ASXL2: variants seen among roughly 807,000 people sequenced by gnomAD.
ASXL2 encodes the protein putative Polycomb group protein ASXL2.
A neutral mutation model predicts 122.0 loss-of-function variants in ASXL2; 23 were observed. The ratio of observed to expected loss-of-function variants is 0.19; its 90% CI spans 0.14 to 0.27. The LOEUF is 0.27. Ranked by LOEUF, ASXL2 falls within the 10% of genes least tolerant of loss-of-function variation. The pLI, the probability that ASXL2 is intolerant of heterozygous loss-of-function variation, is 1.00. For synonymous variants in ASXL2, 650 were observed against 637.0 expected, an observed-to-expected ratio of 1.02 and a Z score of -0.31; for missense variants, 1,518 against 1,713.8, an observed-to-expected ratio of 0.89 and a Z score of 2.02.
chr2:25,833,649 T>C (rs570933569), intron 3 of ASXL2, among the ~76,000 whole-genome samples: 28 of 151,968 alleles, frequency 1.8e-4, no homozygotes, highest in African/African-American at 6.3e-4. Flanking sequence ...TGAGCTGAGA[T>C]TGCACCACTG....
In ASXL2 at chr2:25,744,935, C is replaced by CCACACACACACACA. The variant is rs10579555; in HGVS notation, c.1861-473_1861-460dup. On this transcript the variant is annotated intron_variant, in intron 12 of 12. Transcript: ENST00000435504. This position sits in a 1 kb window ranked among gnomAD's most constrained non-coding sequence, Gnocchi z 4.7. ...GGGAAAATACTTGCTCTTCTCTGTT[C>CCACACACACACACA]CACACACACACACACACACACACAC... Among the ~76,000 whole-genome samples the CCACACACACACACA allele has an allele frequency of 1.4e-5, 2 of 138,338 alleles. No homozygotes were observed. The highest frequency in any genetic ancestry group is 4.4e-4 in the East Asian group (2 of 4,578). 90.8% of individuals were successfully genotyped at this position (138,338 alleles called of 152,430 possible). A position where few individuals can be genotyped will look rare whatever the true frequency, so the allele number is the denominator to read the frequency against.
intron 5 of ASXL2, among the ~76,000 whole-genome samples, chr2:25,785,997 T>C (rs1203882610): frequency 6.6e-6 from 1 of 152,156 alleles, no homozygotes; most frequent in African/African-American, 2.4e-5. Context: ...GCAAATAAAA[T>C]CTATGATACA....
At chr2:25,831,710 A>G (rs1321383561) in intron 3 of ASXL2, among the ~76,000 whole-genome samples, 1 of 152,206 alleles carries the variant, frequency 6.6e-6, no homozygotes, top group African/African-American at 2.4e-5. Flanking sequence ...AAAAAGTAAT[A>G]AAGAAAAATG....
intron 1 of ASXL2, among the ~76,000 whole-genome samples, chr2:25,849,369 C>T (rs1388348066): frequency 2.8e-5 from 4 of 143,128 alleles, no homozygotes; most frequent in Non-Finnish European, 6.0e-5. Context: ...TCAAGAATCA[C>T]TTGAACCCAG....
intron 8 of ASXL2, among the ~76,000 whole-genome samples, chr2:25,766,628 A>T (rs1346820752): frequency 6.6e-6 from 1 of 152,222 alleles, no homozygotes; most frequent in Non-Finnish European, 1.5e-5. Flanking sequence ...CTCGAACACG[A>T]TGGGAGGAAG....
chr2:25,780,000 T>C (rs2149160883), intron 5 of ASXL2, among the ~76,000 whole-genome samples: 1 of 152,318 alleles, frequency 6.6e-6, no homozygotes, highest in South Asian at 2.1e-4. Context: ...CCTGAGTAGC[T>C]GGGATTACAG....
At chr2:25,849,319 C>T (rs1265998275) in intron 1 of ASXL2, among the ~76,000 whole-genome samples, 6 of 149,846 alleles carry the variant, frequency 4.0e-5, no homozygotes, top group Admixed American at 6.7e-5. Context: ...GGTGGCTGGG[C>T]GCCTGTAATC....
rs2087894240 is a variant in ASXL2 at position 25,743,962 on chromosome 2, A to G, written c.2375T>C (p.Val792Ala). 4 of 1,613,782 alleles carry G rather than the reference A, an allele frequency of 2.5e-6. No homozygotes were observed. The Admixed American group carries it at 5.0e-5, about 20-fold the overall frequency. The change falls in exon 13 of 13, where the codon GTC becomes GCC. Residue 792 changes from valine (V) to alanine (A), a missense_variant. This residue lies in a region of ASXL2 where 831 missense variants were observed against 833.1 expected (regional missense o/e 1.00). Coordinates refer to ENST00000435504, the MANE Select transcript of ASXL2 (RefSeq NM_018263.6). ...TTTCTCTATGTGGGCTGGTGATGGG[A>G]CACTTGTGCATGCTCCACTGACGGC... ...TPAVSGACTS[V>A]PSPAHIEKLD... is the part of the protein sequence containing the mutation.
At chr2:25,798,426 T>C (rs1271294322) in intron 5 of ASXL2, among the ~76,000 whole-genome samples, 3 of 152,172 alleles carry the variant, frequency 2.0e-5, no homozygotes, top group Non-Finnish European at 1.5e-5. Context: ...GTTCCAACTA[T>C]ATGACATTTT....
intron 3 of ASXL2, among the ~76,000 whole-genome samples, chr2:25,824,713 A>G (rs1479597094): frequency 6.6e-6 from 1 of 152,202 alleles, no homozygotes; most frequent in Non-Finnish European, 1.5e-5. Flanking sequence ...ACTTGTAGCA[A>G]AATTATGATT....
chr2:25,817,253 T>C (rs1044882652), intron 3 of ASXL2, among the ~76,000 whole-genome samples: 1 of 152,216 alleles, frequency 6.6e-6, no homozygotes, highest in Admixed American at 6.5e-5. Flanking sequence ...AAACTATTTT[T>C]TGGAAAAAAG....
chr2:25,848,404 C>CTT (rs2089674975), intron 1 of ASXL2, among the ~76,000 whole-genome samples: 1 of 152,146 alleles, frequency 6.6e-6, no homozygotes, highest in African/African-American at 2.4e-5. Flanking sequence ...AGGTGGATCA[C>CTT]AAGGTCAGGA....
intron 5 of ASXL2, among the ~76,000 whole-genome samples, chr2:25,798,899 A>G (rs1432334927): frequency 6.6e-6 from 1 of 152,182 alleles, no homozygotes; most frequent in Non-Finnish European, 1.5e-5. Context: ...CATTTGTTCA[A>G]AGCCATAGGA....
intron 1 of ASXL2, among the ~76,000 whole-genome samples, chr2:25,846,484 C>G (rs969425356): frequency 2.6e-5 from 4 of 152,076 alleles, no homozygotes; most frequent in Non-Finnish European, 4.4e-5. Flanking sequence ...CCCATCTCTA[C>G]TGAAAATACA....
At chr2:25,830,304 C>T (rs2089434813) in intron 3 of ASXL2, among the ~76,000 whole-genome samples, 1 of 152,190 alleles carries the variant, frequency 6.6e-6, no homozygotes, top group Admixed American at 6.5e-5. Context: ...TTAGAGGACA[C>T]CAACACTGAG....
intron 3 of ASXL2, among the ~76,000 whole-genome samples, chr2:25,834,105 C>A (rs1328009780): frequency 6.6e-6 from 1 of 152,192 alleles, no homozygotes; most frequent in Non-Finnish European, 1.5e-5. Context: ...GTAATCCCAG[C>A]ACTTTGGGAG....
chr2:25,763,967 T>C (rs2088296700), intron 8 of ASXL2, among the ~76,000 whole-genome samples: 1 of 152,196 alleles, frequency 6.6e-6, no homozygotes, highest in South Asian at 2.1e-4. Context: ...CCTATATATT[T>C]GGAAATTAAC....
chr2:25,817,470 A>G (rs2089251598), intron 3 of ASXL2, among the ~76,000 whole-genome samples: 1 of 152,350 alleles, frequency 6.6e-6, no homozygotes, highest in African/African-American at 2.4e-5. Context: ...TAAATGCAAT[A>G]AACAATGGTT....
chr2:25,790,898 G>C (rs1472332310), intron 5 of ASXL2, among the ~76,000 whole-genome samples: 1 of 146,258 alleles, frequency 6.8e-6, no homozygotes, highest in Non-Finnish European at 1.5e-5. Flanking sequence ...CAAACTTCTA[G>C]GCTTAAGTGA....
Sources: allele counts gnomAD v4.1 joint callset (sites outside exome capture counted in the v4.1 genomes callset), GRCh38; gene constraint gnomAD v4.1.1; regional missense constraint gnomAD v4.1.1; non-coding constraint Gnocchi (gnomAD v3.1); transcripts MANE v1.5; gene names NCBI Gene and HGNC (gene_info 2026-07-23, HGNC 2026-07-21).